The following HS3ST1 variants were observed in gnomAD, a reference collection of about 807,000 sequenced individuals.
The protein encoded by HS3ST1 is heparan sulfate-glucosamine 3-sulfotransferase 1.
Under a neutral mutation model 20.7 loss-of-function variants are expected in HS3ST1, and 8 were observed. The ratio of observed to expected loss-of-function variants is 0.39; its 90% confidence interval spans 0.23 to 0.70. HS3ST1 has a LOEUF of 0.70. Ranked by LOEUF, HS3ST1 falls within the 30% of genes least tolerant of loss-of-function variation. The probability of loss-of-function intolerance (pLI) is 0.46; values close to 1 mark genes in which losing one functional copy is unlikely to be tolerated. For missense variants in HS3ST1, 436 were observed against 423.4 expected, an observed-to-expected ratio of 1.03 and a Z score of -0.26; for synonymous variants, 205 against 190.4, an observed-to-expected ratio of 1.08 and a Z score of -0.63.
chr4:11,416,341 C>A (rs962603891), intron 1 of HS3ST1, among the ~76,000 whole-genome samples: 1 of 152,168 alleles, frequency 6.6e-6, no homozygotes, highest in East Asian at 1.9e-4. Flanking sequence ...ATACTCTGGA[C>A]TAGGCACGAG....
intron 1 of HS3ST1, among the ~76,000 whole-genome samples, chr4:11,402,975 CT>C (rs1319947124): frequency 6.6e-6 from 1 of 152,106 alleles, no homozygotes; most frequent in African/African-American, 2.4e-5. Flanking sequence ...TATTTTAATC[CT>C]TTCTAAAAAT....
At chr4:11,404,881 C>T (rs1251637856) in intron 1 of HS3ST1, among the ~76,000 whole-genome samples, 1 of 152,234 alleles carries the variant, frequency 6.6e-6, no homozygotes, top group African/African-American at 2.4e-5. Flanking sequence ...GTAATCCTCA[C>T]TGCAAGTCCT....
At chr4:11,411,623 T>G (rs1264839243) in intron 1 of HS3ST1, among the ~76,000 whole-genome samples, 2 of 152,214 alleles carry the variant, frequency 1.3e-5, no homozygotes, top group African/African-American at 4.8e-5. Context: ...CTGTAATCTC[T>G]TGTTATCTCT....
At position 11,399,880 on chromosome 4, in the gene HS3ST1, G is replaced by A. The variant is rs778355639; in HGVS notation, c.126C>T (p.Arg42=). The A allele has an allele frequency of 2.5e-6, 4 of 1,611,772 alleles. No individual in the cohort carries two copies. Among genetic ancestry groups the A allele is most frequent in the South Asian group, 1.1e-5 (1 of 91,032 alleles). The change falls in exon 2 of 2, where the codon CGC becomes CGT. Residue 42 remains arginine, a synonymous_variant. Transcript: ENST00000002596. This position sits in a 1 kb window ranked among gnomAD's most constrained non-coding sequence, Gnocchi z 5.1. ...CAGAGCCGTTTGGGGCCACGCCATCGCGGACGTCATCCTGGAGGGTCCCCG... is the reference window on the plus strand; with the variant it reads ...CAGAGCCGTTTGGGGCCACGCCATCACGGACGTCATCCTGGAGGGTCCCCG... ...RKAGTLQDDV[R]DGVAPNGSAQ... is the part of the protein sequence containing the mutation.
upstream of HS3ST1, among the ~76,000 whole-genome samples, chr4:11,431,254 T>C (rs1474942275): frequency 2.0e-5 from 3 of 146,528 alleles, no homozygotes; most frequent in Non-Finnish European, 4.5e-5. Context: ...AAAAAAACTT[T>C]GTAAATGGAA....
At position 11,399,786 on chromosome 4, in the gene HS3ST1, G is replaced by A. The variant is rs780257722; in HGVS notation, c.220C>T (p.Leu74Phe). 3.1e-6 allele frequency: 5 copies of A among 1,613,522 alleles called. No homozygotes were observed. In the East Asian group the frequency reaches 8.9e-5, roughly 29 times the overall value. ...KGGTRALLEM[L>F]SLHPDVAAAE... The stretch of plus-strand genomic sequence containing the variant: ...GCCGCCACGTCGGGGTGCAGGCTGA[G>A]CATCTCCAGCAGTGCGCGCGTGCCG... Residue 74 changes from leucine (L) to phenylalanine (F), a missense_variant, in exon 2 of 2, where the codon CTC (leucine) becomes TTC (phenylalanine). Leu to Phe is a conservative substitution (Grantham distance 22). Coordinates refer to ENST00000002596, the MANE Select transcript of HS3ST1 (RefSeq NM_005114.4). The surrounding 1 kb of genome is among the most constrained non-coding windows in gnomAD (Gnocchi z 5.1).
At position 11,423,474 on chromosome 4, in the gene HS3ST1, T is replaced by G. The variant is rs1366263276; in HGVS notation, c.-109+5225A>C. Among the ~76,000 whole-genome samples, 3 of 152,372 alleles carry G rather than the reference T, an allele frequency of 2.0e-5. No individual in the cohort carries two copies. In the East Asian group the frequency reaches 5.8e-4, roughly 29 times the overall value. ...GGTTTCTCCCCAGTATCCTGATATT[T>G]CCTATCACTTTCCTCTAGTTTTTAT... On this transcript the variant is annotated intron_variant, in intron 1 of 1. Transcript: ENST00000002596.
Position 11,423,740 on chromosome 4 carries a change from C to T in HS3ST1, c.-109+4959G>A, listed in dbSNP as rs185089426. ...GCAGAGATAGGAAGAAGGAACATCC[C>T]GAACAGAGGTTCACTCTGTAAACAG... On this transcript the variant is annotated intron_variant, in intron 1 of 1. Transcript: ENST00000002596. Among the ~76,000 whole-genome samples the T allele has an allele frequency of 1.1e-4, 17 of 152,252 alleles. 1 individual carries two copies. In the East Asian group the frequency reaches 2.7e-3, roughly 24 times the overall value.
At chr4:11,421,798 C>T (rs939135875) in intron 1 of HS3ST1, among the ~76,000 whole-genome samples, 2 of 152,206 alleles carry the variant, frequency 1.3e-5, no homozygotes, top group Non-Finnish European at 2.9e-5. Context: ...AACAAATCTC[C>T]ACCTTGAGCC....
At chr4:11,406,920 T>G (rs952722634) in intron 1 of HS3ST1, among the ~76,000 whole-genome samples, 1 of 152,164 alleles carries the variant, frequency 6.6e-6, no homozygotes, top group South Asian at 2.1e-4. Flanking sequence ...TTTTCATTGT[T>G]AAGAACGAAA....
intron 1 of HS3ST1, among the ~76,000 whole-genome samples, chr4:11,417,979 C>T (rs76383841): frequency 0.014 from 2,074 of 152,292 alleles, 8 homozygotes; most frequent in Non-Finnish European, 0.021. Context: ...GCCTCAGTTT[C>T]CTATTCTGTA....
chr4:11,414,466 G>A (rs142506946), intron 1 of HS3ST1, among the ~76,000 whole-genome samples: 1 of 152,130 alleles, frequency 6.6e-6, no homozygotes, highest in Non-Finnish European at 1.5e-5. Flanking sequence ...CCCATAGCAT[G>A]GTACCATAAA....
intron 1 of HS3ST1, among the ~76,000 whole-genome samples, chr4:11,401,914 C>CTT (rs1718337215): frequency 6.6e-6 from 1 of 152,204 alleles, no homozygotes; most frequent in Admixed American, 6.5e-5. Flanking sequence ...ACTCATCAGT[C>CTT]TGTGTTTCAC....
upstream of HS3ST1, among the ~76,000 whole-genome samples, chr4:11,430,828 A>G (rs191822822): frequency 3.8e-3 from 585 of 152,350 alleles, 6 homozygotes; most frequent in Middle Eastern, 0.01. Context: ...GAATTTGAGG[A>G]CTAACATTTT....
rs1718091637 is a variant in HS3ST1, at chr4:11,394,769, C to T, written c.*4313G>A. On this transcript the variant is annotated 3_prime_UTR_variant, in exon 2 of 2. Coordinates refer to ENST00000002596, the MANE Select transcript of HS3ST1 (RefSeq NM_005114.4). ...AAATTTCATTTGTAAGAAGTAATGG[C>T]TCTATCAACATGGGCAAGCCCTTTA... 1 of 152,228 alleles carries T rather than the reference C, an allele frequency of 6.6e-6. No homozygotes were observed. Among genetic ancestry groups the T allele is most frequent in the Non-Finnish European group, 1.5e-5 (1 of 68,038 alleles). 9.4% of individuals were successfully genotyped at this position (152,228 alleles called of 1,614,324 possible). A position where few individuals can be genotyped will look rare whatever the true frequency, so the allele number is the denominator to read the frequency against.
rs80180794 is a variant in HS3ST1 at position 11,423,250 on chromosome 4, G to A, written c.-109+5449C>T. On this transcript the variant is annotated intron_variant, in intron 1 of 1. Coordinates refer to ENST00000002596, the MANE Select transcript of HS3ST1 (RefSeq NM_005114.4). ...CACGTAATGCAATGCCGGGTACATG[G>A]CAGACAATAAACGTGCTCAATAGTC... Among the ~76,000 whole-genome samples, 762 of 152,116 alleles carry A rather than the reference G, an allele frequency of 5.0e-3. 1 individual carries two copies. Among genetic ancestry groups the A allele is most frequent in the Non-Finnish European group, 8.6e-3 (588 of 67,978 alleles).
At chr4:11,413,068 G>A (rs1718680000) in intron 1 of HS3ST1, among the ~76,000 whole-genome samples, 1 of 152,176 alleles carries the variant, frequency 6.6e-6, no homozygotes, top group South Asian at 2.1e-4. Context: ...AAGCATGCTG[G>A]CATCCTGGCC....
chr4:11,432,549 A>T (rs1477493961), upstream of HS3ST1, among the ~76,000 whole-genome samples: 1 of 152,216 alleles, frequency 6.6e-6, no homozygotes, highest in African/African-American at 2.4e-5. Flanking sequence ...ATAGAAAAAG[A>T]TCATCTGTAA....
chr4:11,429,095 C>G (rs1156577672), upstream of HS3ST1: 1 of 152,496 alleles, frequency 6.6e-6, no homozygotes, highest in East Asian at 1.9e-4. Flanking sequence ...TGGTGCTCCG[C>G]TCTGCGCTCA....
Sources: gnomAD v4.1 joint callset for allele counts (sites outside exome capture counted in the v4.1 genomes callset) on GRCh38, gnomAD v4.1.1 for gene constraint, Gnocchi (gnomAD v3.1) non-coding constraint, MANE v1.5 for transcripts, NCBI Gene and HGNC (gene_info 2026-07-23, HGNC 2026-07-21) for gene names.